The following ACAD11 variants were observed in gnomAD, a reference collection of about 807,000 sequenced individuals.
ACAD11 encodes acyl-Coenzyme A dehydrogenase family, member 11.
A neutral mutation model predicts 102.2 loss-of-function variants in ACAD11; 83 were observed. The observed-to-expected ratio is 0.81, with a 90% CI of 0.68 to 0.97. The LOEUF is 0.97. Among genes scored for constraint, ACAD11 ranks in the 50% least tolerant of loss-of-function variants. The pLI, the probability that ACAD11 is intolerant of heterozygous loss-of-function variation, is 0.00. For missense variants in ACAD11, 901 were observed against 951.7 expected (o/e 0.95, Z 0.70); for synonymous variants, 324 against 319.8 (o/e 1.01, Z -0.14).
rs751277415 is a variant in ACAD11, at chr3:132,659,791, T to A, written c.-40A>T. The A allele has an allele frequency of 2.6e-6, 4 of 1,548,514 alleles. No homozygotes were observed. In the African/African-American group the frequency reaches 5.6e-5, roughly 22 times the overall value. On this transcript the variant is annotated 5_prime_UTR_variant, in exon 1 of 20. Coordinates refer to ENST00000264990, the MANE Select transcript of ACAD11 (RefSeq NM_032169.5). ...GCCACAGCAACGCGGCATCCACAGG[T>A]CTCGAGTGCCGAAGTCCTTCAGGAT...
In ACAD11 at chr3:132,576,907, G is replaced by A. The variant is rs368017399; in HGVS notation, c.1846+37C>T. ...CCAGATTTAGAGCTGAAATATTAAT[G>A]TACAATACTGAAGAATCATTTCCAA... On this transcript the variant is annotated intron_variant, in intron 16 of 19. Coordinates refer to ENST00000264990, the MANE Select transcript of ACAD11 (RefSeq NM_032169.5). 3.6e-6 allele frequency: 5 copies of A among 1,388,108 alleles called. No individual in the cohort carries two copies. The African/African-American group carries it at 5.7e-5, about 16-fold the overall frequency. 86.0% of individuals were successfully genotyped at this position (1,388,108 alleles called of 1,614,324 possible).
At chr3:132,583,423 T>G (rs1007708051) in intron 13 of ACAD11, among the ~76,000 whole-genome samples, 2 of 152,238 alleles carry the variant, frequency 1.3e-5, no homozygotes, top group African/African-American at 4.8e-5. Context: ...TTATTGCATC[T>G]ATTTGATTCT....
At chr3:132,613,883 G>A (rs1218577929) in intron 11 of ACAD11, among the ~76,000 whole-genome samples, 3 of 151,876 alleles carry the variant, frequency 2.0e-5, no homozygotes, top group Non-Finnish European at 2.9e-5. Context: ...TGGGCGAGAC[G>A]AGTGAGACTC....
rs752756095 is a variant in ACAD11, at chr3:132,559,904, G to C, written c.2157C>G (p.Ser719Arg). The change falls in exon 19 of 20, where the codon AGC becomes AGG. Residue 719 changes from serine (S) to arginine (R), a missense_variant. Transcript: ENST00000264990. Reference sequence around the variant, plus strand: ...CCTGGATGGCCCAGTCAACGATTTTGCTGACAGCCCGTGGGGCAGCCACTT... The same window carrying C: ...CCTGGATGGCCCAGTCAACGATTTTCCTGACAGCCCGTGGGGCAGCCACTT... ...MIKVAAPRAV[S>R]KIVDWAIQVC... The C allele has an allele frequency of 6.2e-7, 1 of 1,613,528 alleles. No individual in the cohort carries two copies. The highest frequency in any genetic ancestry group is 1.1e-5 in the South Asian group (1 of 91,024).
chr3:132,564,602 G>A (rs890174695), intron 17 of ACAD11, among the ~76,000 whole-genome samples: 1 of 152,126 alleles, frequency 6.6e-6, no homozygotes, highest in African/African-American at 2.4e-5. Flanking sequence ...TGGAATGGAG[G>A]AGACTCTACT....
In ACAD11 at chr3:132,611,713, T is replaced by G. The variant is rs560123627; in HGVS notation, c.1415-6508A>C. On this transcript the variant is annotated intron_variant, in intron 11 of 19. Transcript: ENST00000264990. ...AGGAGAACTACAAACCACTGCTCAA[T>G]GAAATAAAAGAGGATACAAAGAAAT... Among the ~76,000 whole-genome samples, 246 of 151,912 alleles carry G rather than the reference T, an allele frequency of 1.6e-3. 4 individuals carry two copies. The highest frequency in any genetic ancestry group is 5.4e-3 in the African/African-American group (222 of 41,338).
intron 11 of ACAD11, among the ~76,000 whole-genome samples, chr3:132,611,433 T>G (rs1939140225): frequency 1.3e-5 from 2 of 152,256 alleles, no homozygotes; most frequent in Admixed American, 1.3e-4. Flanking sequence ...GAAGTCAAAT[T>G]GTTCCTGTTT....
chr3:132,638,207 C>T (rs1469843924), intron 5 of ACAD11, among the ~76,000 whole-genome samples: 1 of 151,994 alleles, frequency 6.6e-6, no homozygotes, highest in African/African-American at 2.4e-5. Flanking sequence ...TGCCCAGCAA[C>T]TCAGAATTTT....
intron 17 of ACAD11, among the ~76,000 whole-genome samples, chr3:132,573,532 A>C (rs1215803131): frequency 6.6e-6 from 1 of 152,190 alleles, no homozygotes; most frequent in Non-Finnish European, 1.5e-5. Flanking sequence ...AATAACATTT[A>C]AGGTTCATAG....
intron 17 of ACAD11, among the ~76,000 whole-genome samples, chr3:132,564,918 A>G (rs1399149549): frequency 1.3e-5 from 2 of 152,142 alleles, no homozygotes; most frequent in Admixed American, 6.5e-5. Context: ...TTTGCCTCAT[A>G]TATCTCAGCT....
Position 132,559,100 on chromosome 3 carries a change from G to C in ACAD11, c.2229-15C>G. On this transcript the variant is annotated splice_polypyrimidine_tract_variant and intron_variant, in intron 19 of 19. Coordinates refer to ENST00000264990, the MANE Select transcript of ACAD11 (RefSeq NM_032169.5). ...TTATAGCATACCTGAAAAAGCAAAA[G>C]AATCAGGGAACACAGGGAGTTATGG... 6.4e-7 allele frequency: 1 copy of C among 1,568,742 alleles called. No individual in the cohort carries two copies. Among genetic ancestry groups the C allele is most frequent in the Non-Finnish European group, 8.8e-7 (1 of 1,138,928 alleles).
At chr3:132,576,716 A>ATT (rs1226938079) in intron 16 of ACAD11, among the ~76,000 whole-genome samples, 71 of 152,366 alleles carry the variant, frequency 4.7e-4, no homozygotes, top group Admixed American at 1.0e-3. Context: ...GTAAACAAGA[A>ATT]GGGAAAGTAT....
chr3:132,564,310 T>C (rs1262125593), intron 17 of ACAD11, among the ~76,000 whole-genome samples: 1 of 152,230 alleles, frequency 6.6e-6, no homozygotes, highest in East Asian at 1.9e-4. Context: ...CCTCCTTCTC[T>C]ATTTCTGGAA....
chr3:132,561,612 C>T (rs1000020049), intron 17 of ACAD11, among the ~76,000 whole-genome samples: 3 of 152,216 alleles, frequency 2.0e-5, no homozygotes, highest in African/African-American at 7.2e-5. Flanking sequence ...AAGCTGCTTA[C>T]AGGTAAACTA....
chr3:132,646,758 C>T (rs1172406608), intron 1 of ACAD11, among the ~76,000 whole-genome samples: 1 of 152,058 alleles, frequency 6.6e-6, no homozygotes, highest in South Asian at 2.1e-4. Context: ...TATTGTTTGG[C>T]AATATACAGG....
At chr3:132,608,057 C>A (rs1193913808) in intron 11 of ACAD11, among the ~76,000 whole-genome samples, 1 of 152,162 alleles carries the variant, frequency 6.6e-6, no homozygotes, top group Admixed American at 6.5e-5. Context: ...AAATCCTTTA[C>A]AGACAAACAA....
chr3:132,559,430 C>G (rs184528642), intron 19 of ACAD11, among the ~76,000 whole-genome samples: 35 of 152,182 alleles, frequency 2.3e-4, no homozygotes, highest in Non-Finnish European at 3.5e-4. Flanking sequence ...GGATGAGACT[C>G]TATCTCCATT....
intron 8 of ACAD11, 51 bp downstream of exon 8, chr3:132,628,289 T>C (rs772183160): frequency 1.5e-6 from 2 of 1,314,372 alleles, no homozygotes; most frequent in South Asian, 1.3e-5. Context: ...AACCTTCACA[T>C]ACCCAATAAA....
chr3:132,583,642 A>G (rs1256951891), intron 13 of ACAD11, among the ~76,000 whole-genome samples: 1 of 152,000 alleles, frequency 6.6e-6, no homozygotes, highest in Non-Finnish European at 1.5e-5. Context: ...TTGTGATGTT[A>G]GGGTATCAAT....
Sources: gnomAD v4.1 joint callset for allele counts (sites outside exome capture counted in the v4.1 genomes callset) on GRCh38, gnomAD v4.1.1 for gene constraint, MANE v1.5 for transcripts, NCBI Gene and HGNC (gene_info 2026-07-23, HGNC 2026-07-21) for gene names.